Variants in MGAT5 observed in about 807,000 individuals in gnomAD.
MGAT5 encodes the protein alpha-1,6-mannosylglycoprotein 6-beta-N-acetylglucosaminyltransferase.
MGAT5 carries 30 observed loss-of-function variants against 94.3 expected under a neutral mutation model. The observed-to-expected ratio is 0.32, with a 90% CI of 0.24 to 0.43. The LOEUF is 0.43. Ranked by LOEUF, MGAT5 falls within the 20% of genes least tolerant of loss-of-function variation. The pLI is 1.00. For missense variants in MGAT5, 691 were observed against 905.5 expected, an observed-to-expected ratio of 0.76 and a Z score of 3.04; for synonymous variants, 310 against 322.9, an observed-to-expected ratio of 0.96 and a Z score of 0.43.
At chr2:134,298,795 A>C (rs911006146) in intron 2 of MGAT5, among the ~76,000 whole-genome samples, 1 of 152,100 alleles carries the variant, frequency 6.6e-6, no homozygotes, top group Non-Finnish European at 1.5e-5. Context: ...GAGTGTGTTT[A>C]TGTAGGCAGG....
chr2:134,348,626 A>G (rs1288512852), intron 8 of MGAT5, among the ~76,000 whole-genome samples: 1 of 152,222 alleles, frequency 6.6e-6, no homozygotes, highest in African/African-American at 2.4e-5. Context: ...CCAGATTTTT[A>G]GAAGTCATTG....
intron 1 of MGAT5, among the ~76,000 whole-genome samples, chr2:134,130,469 C>T (rs1476002237): frequency 1.3e-5 from 2 of 152,248 alleles, no homozygotes; most frequent in African/African-American, 4.8e-5. Flanking sequence ...GCTAGCTGGG[C>T]TTCTGAGTCA....
At chr2:134,409,043 A>C (rs1418082119) in intron 11 of MGAT5, among the ~76,000 whole-genome samples, 1 of 152,246 alleles carries the variant, frequency 6.6e-6, no homozygotes, top group Admixed American at 6.5e-5. Flanking sequence ...ATGAGAACTC[A>C]TAAATATACA....
intron 1 of MGAT5, among the ~76,000 whole-genome samples, chr2:134,246,167 T>TAA (rs11378452): frequency 0.3 from 38,911 of 130,340 alleles, 6,688 homozygotes; most frequent in Non-Finnish European, 0.39. Flanking sequence ...TTCCTGTTTA[T>TAA]AAAAAAAAAA....
intron 8 of MGAT5, among the ~76,000 whole-genome samples, chr2:134,348,313 T>G: frequency 6.6e-6 from 1 of 152,128 alleles, no homozygotes; most frequent in East Asian, 1.9e-4. Flanking sequence ...CTGTGAAAAC[T>G]CCCACTGTGA....
At chr2:134,132,405 A>G (rs560659752) in intron 1 of MGAT5, among the ~76,000 whole-genome samples, 8 of 152,380 alleles carry the variant, frequency 5.3e-5, no homozygotes, top group African/African-American at 1.2e-4. Context: ...AGTAGGTAAC[A>G]GTAAGAAAAG....
chr2:134,188,353 CT>C (rs1558977200), intron 1 of MGAT5, among the ~76,000 whole-genome samples: 1 of 152,174 alleles, frequency 6.6e-6, no homozygotes, highest in African/African-American at 2.4e-5. Flanking sequence ...GGAGCTTTTT[CT>C]TTGAATCCTG....
chr2:134,372,817 T>C (rs1313150367), intron 10 of MGAT5, among the ~76,000 whole-genome samples: 1 of 152,176 alleles, frequency 6.6e-6, no homozygotes, highest in African/African-American at 2.4e-5. Flanking sequence ...TAAGTGCAAA[T>C]CACTGCAGCT....
intron 1 of MGAT5, among the ~76,000 whole-genome samples, chr2:134,165,928 T>A (rs1008116272): frequency 2.0e-5 from 3 of 152,194 alleles, no homozygotes; most frequent in Non-Finnish European, 4.4e-5. Flanking sequence ...AATCTCAGTT[T>A]CTTCTCCTGT....
rs74805125 is a variant in MGAT5 at position 134,217,825 on chromosome 2, A to G, written c.-142-36437A>G. Among the ~76,000 whole-genome samples, 896 of 152,300 alleles carry G rather than the reference A, an allele frequency of 5.9e-3. 38 individuals are homozygous for G. The East Asian group carries it at 0.13, about 23-fold the overall frequency. On this transcript the variant is annotated intron_variant, in intron 1 of 16. Transcript: ENST00000409645. ...GATGAGTCCCTGAGGGCAGAAGACC[A>G]TGTCTTTTGTATGCTAGATGTGAGT... is the stretch of plus-strand genomic sequence containing the variant.
intron 10 of MGAT5, among the ~76,000 whole-genome samples, chr2:134,395,410 G>A (rs971335037): frequency 6.6e-6 from 1 of 152,156 alleles, no homozygotes; most frequent in Non-Finnish European, 1.5e-5. Flanking sequence ...TGACCAGTTC[G>A]GACTGAGAGA....
intron 10 of MGAT5, among the ~76,000 whole-genome samples, chr2:134,393,166 C>T (rs1352155979): frequency 6.6e-6 from 1 of 152,134 alleles, no homozygotes; most frequent in African/African-American, 2.4e-5. Flanking sequence ...GGGAACTTGC[C>T]GAAGTCCCAT....
chr2:134,257,837 T>C (rs68108304), intron 1 of MGAT5, among the ~76,000 whole-genome samples: 200 of 9,886 alleles, frequency 0.02, 6 homozygotes, highest in Non-Finnish European at 0.02. Flanking sequence ...TTGCAGTCTC[T>C]TTTTTTTTTT....
intron 2 of MGAT5, among the ~76,000 whole-genome samples, chr2:134,281,632 G>A (rs1234725302): frequency 6.6e-6 from 1 of 152,184 alleles, no homozygotes; most frequent in East Asian, 1.9e-4. Flanking sequence ...CAAGGCAGAA[G>A]TTGTATGGCT....
rs975134690 is a variant in MGAT5, at chr2:134,453,440, C to T, written c.*4593C>T. On this transcript the variant is annotated 3_prime_UTR_variant, in exon 16 of 16. Coordinates refer to ENST00000281923, the MANE Select transcript of MGAT5 (RefSeq NM_002410.5). Reference sequence around the variant, plus strand: ...TTCAGAACATTCCAAGGGTTTTCCTCAAGGAACATTTTTGAGCTAGAAATT... The same window carrying T: ...TTCAGAACATTCCAAGGGTTTTCCTTAAGGAACATTTTTGAGCTAGAAATT... 6.6e-6 allele frequency: 1 copy of T among 152,206 alleles called. No homozygotes were observed. The highest frequency in any genetic ancestry group is 2.4e-5 in the African/African-American group (1 of 41,440). 9.4% of individuals were successfully genotyped at this position (152,206 alleles called of 1,614,324 possible).
At chr2:134,343,739 A>G (rs908202405) in intron 7 of MGAT5, among the ~76,000 whole-genome samples, 1 of 152,196 alleles carries the variant, frequency 6.6e-6, no homozygotes, top group African/African-American at 2.4e-5. Flanking sequence ...TCAGCAAACT[A>G]TGGCTCAGCA....
At chr2:134,374,055 A>G (rs1320685516) in intron 10 of MGAT5, among the ~76,000 whole-genome samples, 4 of 152,252 alleles carry the variant, frequency 2.6e-5, no homozygotes, top group Non-Finnish European at 1.5e-5. Context: ...AGGAAACAGA[A>G]GTGTGTGTAG....
intron 1 of MGAT5, among the ~76,000 whole-genome samples, chr2:134,258,609 T>C (rs1046563111): frequency 1.3e-5 from 2 of 151,908 alleles, no homozygotes; most frequent in Non-Finnish European, 2.9e-5. Flanking sequence ...TCTCTCTCTC[T>C]ACTGGATTTT....
At chr2:134,301,186 T>C (rs1185563240) in intron 2 of MGAT5, among the ~76,000 whole-genome samples, 1 of 152,206 alleles carries the variant, frequency 6.6e-6, no homozygotes, top group Non-Finnish European at 1.5e-5. Context: ...TCCATGGTGC[T>C]GCATATGTCA....
Sources: allele counts gnomAD v4.1 joint callset (sites outside exome capture counted in the v4.1 genomes callset), GRCh38; gene constraint gnomAD v4.1.1; transcripts MANE v1.5; gene names NCBI Gene and HGNC (gene_info 2026-07-23, HGNC 2026-07-21).